The following KLHL10 variants were observed in gnomAD, a reference collection of about 807,000 sequenced individuals.
The protein encoded by KLHL10 is kelch-like protein 10.
A neutral mutation model predicts 46.6 loss-of-function variants in KLHL10; 11 were observed. That is an observed-to-expected ratio of 0.24 (90% CI 0.15 to 0.39). The LOEUF is 0.39. Ranked by LOEUF, KLHL10 falls within the 10% of genes least tolerant of loss-of-function variation. KLHL10 has a pLI of 1.00. For synonymous variants in KLHL10, 254 were observed against 279.1 expected (o/e 0.91, Z 0.90); for missense variants, 475 against 789.8 (o/e 0.60, Z 4.78).
chr17:41,847,873 C>T, intron 4 of KLHL10, 60 bp from the exon 5 acceptor site: 1 of 1,606,956 alleles, frequency 6.2e-7, no homozygotes, highest in Non-Finnish European at 8.5e-7. Context: ...CCAACAAGGG[C>T]TTCCTCAGTG....
chr17:41,836,029 G>C, upstream of KLHL10: 1 of 1,447,196 alleles, frequency 6.9e-7, no homozygotes, highest in African/African-American at 1.5e-5. Context: ...GGGCTCGCTC[G>C]GGCGCGCGTG....
intron 1 of KLHL10, among the ~76,000 whole-genome samples, chr17:41,838,625 TTTTC>T (rs1210330302): frequency 1.6e-5 from 1 of 61,162 alleles, no homozygotes; most frequent in African/African-American, 5.8e-5. Flanking sequence ...TCAGGGCCTT[TTTTC>T]TCTCTTTTTT....
chr17:41,838,850 G>A (rs965569081), intron 1 of KLHL10, among the ~76,000 whole-genome samples: 5 of 151,060 alleles, frequency 3.3e-5, no homozygotes, highest in Non-Finnish European at 7.4e-5. Context: ...CACCACGCCC[G>A]GCTAATTTTT....
In KLHL10 at chr17:41,848,342, T is replaced by A; in HGVS notation, c.*35T>A. ...TTTAGCTAATAAAAAGTCTAAGCAA[T>A]AAGAATTAATTCTTTTTTTAAAAAA... On this transcript the variant is annotated 3_prime_UTR_variant, in exon 5 of 5. Coordinates refer to ENST00000293303, the MANE Select transcript of KLHL10 (RefSeq NM_152467.5). The A allele has an allele frequency of 6.3e-7, 1 of 1,591,880 alleles. No homozygotes were observed. The highest frequency in any genetic ancestry group is 8.5e-7 in the Non-Finnish European group (1 of 1,174,864).
Position 41,847,340 on chromosome 17 carries a change from C to T in KLHL10, c.1382C>T (p.Thr461Ile). The T allele has an allele frequency of 6.2e-7, 1 of 1,613,782 alleles. No homozygotes were observed. The highest frequency in any genetic ancestry group is 1.3e-5 in the African/African-American group (1 of 74,966). ...TATAACACTGAAAGTAATCAGTGGA[C>T]AGTCATAGCACCCATGAGAAGCAGG... ...EVYNTESNQW[T>I]VIAPMRSRRS... Residue 461 changes from threonine to isoleucine, a missense_variant, in exon 4 of 5, where the codon ACA becomes ATA. Transcript: ENST00000293303.
chr17:41,847,840 G>T (rs2048305824), intron 4 of KLHL10, 93 bp from the exon 5 acceptor site: 1 of 1,504,240 alleles, frequency 6.6e-7, no homozygotes, highest in Admixed American at 1.7e-5. Flanking sequence ...ATGGAAGAGG[G>T]AGTTATGAGA....
At position 41,842,027 on chromosome 17, in the gene KLHL10, G is replaced by A; in HGVS notation, c.399G>A (p.Lys133=). Residue 133 remains lysine (K), a synonymous_variant, in exon 2 of 5, where the codon AAG becomes AAA. Coordinates refer to ENST00000293303, the MANE Select transcript of KLHL10 (RefSeq NM_152467.5). ...GIVRGCCEFL[K]SELCLDNCIG... ...TCAGGGGTTGCTGCGAGTTCCTCAA[G>A]TCAGAGCTGTGCTTGGATAATTGTA... 6.2e-7 allele frequency: 1 copy of A among 1,614,164 alleles called. No individual in the cohort carries two copies. Among genetic ancestry groups the A allele is most frequent in the Non-Finnish European group, 8.5e-7 (1 of 1,180,038 alleles).
At chr17:41,847,037 C>T (rs759298475) in intron 3 of KLHL10, among the ~76,000 whole-genome samples, 4 of 152,122 alleles carry the variant, frequency 2.6e-5, no homozygotes, top group Non-Finnish European at 5.9e-5. Context: ...ATTGTTAGAA[C>T]CCAGGAGGCG....
chr17:41,842,912 G>A (rs1330167567), intron 2 of KLHL10, among the ~76,000 whole-genome samples: 3 of 151,246 alleles, frequency 2.0e-5, no homozygotes, highest in Non-Finnish European at 4.4e-5. Context: ...ACTCAAGCCT[G>A]GGTGACAGAA....
rs183131641 is a variant in KLHL10 at position 41,846,261 on chromosome 17, G to A, written c.1302+518G>A. ...ATGCAGGCTGGGCTCGGTGACTCAC[G>A]CCTGTAATCCCAGCACTTTGGCAAG... is the stretch of plus-strand genomic sequence containing the variant. On this transcript the variant is annotated intron_variant, in intron 3 of 4. Coordinates refer to ENST00000293303, the MANE Select transcript of KLHL10 (RefSeq NM_152467.5). Among the ~76,000 whole-genome samples, 180 of 151,968 alleles carry A rather than the reference G, an allele frequency of 1.2e-3. 1 individual carries two copies. Among genetic ancestry groups the A allele is most frequent in the African/African-American group, 4.2e-3 (176 of 41,452 alleles).
chr17:41,837,531 G>A, upstream of KLHL10: 1 of 1,026,368 alleles, frequency 9.7e-7, no homozygotes, highest in East Asian at 8.7e-5. Flanking sequence ...TGTCTAGGGA[G>A]CCAAGTGTTG....
upstream of KLHL10, chr17:41,836,418 G>T: frequency 2.0e-6 from 2 of 985,274 alleles, no homozygotes; most frequent in Non-Finnish European, 2.4e-6. Flanking sequence ...TGAAGAGCAG[G>T]GTGAAGGTCC....
intron 3 of KLHL10, among the ~76,000 whole-genome samples, chr17:41,846,294 G>A (rs556517929): frequency 6.9e-4 from 104 of 151,440 alleles, no homozygotes; most frequent in African/African-American, 1.5e-3. Flanking sequence ...AAGCCGAGGC[G>A]GGAGGATCAC....
chr17:41,837,499 A>T (rs1377357273), upstream of KLHL10: 2 of 997,490 alleles, frequency 2.0e-6, no homozygotes, highest in Admixed American at 5.2e-5. Flanking sequence ...GCCTCAATTG[A>T]CTTGGATTTC....
chr17:41,836,750 C>T (rs568728733), upstream of KLHL10, among the ~76,000 whole-genome samples: 1 of 152,198 alleles, frequency 6.6e-6, no homozygotes, highest in South Asian at 2.1e-4. Context: ...CACTTGAGCC[C>T]GGGAGATCCA....
chr17:41,835,865 C>T, upstream of KLHL10: 1 of 1,608,248 alleles, frequency 6.2e-7, no homozygotes, highest in Non-Finnish European at 8.5e-7. Flanking sequence ...GTACCTGTAA[C>T]CGGTCTCCGC....
upstream of KLHL10, among the ~76,000 whole-genome samples, chr17:41,837,024 G>C (rs542054585): frequency 1.3e-5 from 2 of 152,178 alleles, no homozygotes; most frequent in South Asian, 4.1e-4. Context: ...GGCTGGGCAC[G>C]GTGCGGAGCA....
upstream of KLHL10, among the ~76,000 whole-genome samples, chr17:41,836,645 A>C (rs147282198): frequency 3.9e-4 from 60 of 152,216 alleles, no homozygotes; most frequent in East Asian, 0.012. Flanking sequence ...CAATATGACG[A>C]AACCCTGTCT....
chr17:41,837,562 T>A (rs79853117), upstream of KLHL10: 14,363 of 1,063,908 alleles, frequency 0.014, 117 homozygotes, highest in East Asian at 0.029. Flanking sequence ...GGTAGATGAA[T>A]GCTCCAGGGA....
Sources: allele counts gnomAD v4.1 joint callset (sites outside exome capture counted in the v4.1 genomes callset), GRCh38; gene constraint gnomAD v4.1.1; transcripts MANE v1.5; gene names NCBI Gene and HGNC (gene_info 2026-07-23, HGNC 2026-07-21).